Variants in CADM2 observed in about 807,000 individuals in gnomAD.
CADM2 encodes immunoglobulin superfamily member 4D.
In CADM2, 12 loss-of-function variants were observed where a neutral mutation model predicts 49.8. The observed-to-expected ratio is 0.24, with a 90% CI of 0.15 to 0.39. The LOEUF is 0.39. CADM2 is among the 10% of genes least tolerant of loss of function. CADM2 has a pLI of 1.00. For synonymous variants in CADM2, 214 were observed against 175.4 expected (o/e 1.22, Z -1.74); for missense variants, 378 against 492.3 (o/e 0.77, Z 2.20).
chr3:85,768,728 T>A (rs1157714681), intron 2 of CADM2, among the ~76,000 whole-genome samples: 1 of 133,510 alleles, frequency 7.5e-6, no homozygotes, highest in East Asian at 2.0e-4. Context: ...ATATAGTATA[T>A]ATACACATAT....
At chr3:85,923,547 A>AAAAC (rs1553707944) in intron 6 of CADM2, among the ~76,000 whole-genome samples, 1 of 151,544 alleles carries the variant, frequency 6.6e-6, no homozygotes, top group Non-Finnish European at 1.5e-5. Context: ...CAAAAAAAAA[A>AAAAC]AACAACAAAA....
chr3:85,137,782 G>A (rs931791176), intron 1 of CADM2, among the ~76,000 whole-genome samples: 1 of 151,992 alleles, frequency 6.6e-6, no homozygotes, highest in Non-Finnish European at 1.5e-5. Flanking sequence ...AGACCTGTAA[G>A]CATTTGATAT....
At chr3:85,109,119 G>A (rs1050965010) in intron 1 of CADM2, among the ~76,000 whole-genome samples, 26 of 151,992 alleles carry the variant, frequency 1.7e-4, no homozygotes, top group Admixed American at 1.6e-3. Context: ...AGGAAGATGT[G>A]GGAGGAGGGG....
chr3:85,097,833 T>C (rs2037860208), intron 1 of CADM2, among the ~76,000 whole-genome samples: 1 of 152,206 alleles, frequency 6.6e-6, no homozygotes, highest in Admixed American at 6.5e-5. Context: ...GTTGACTTTT[T>C]CCTTATCATT....
intron 1 of CADM2, among the ~76,000 whole-genome samples, chr3:85,463,123 T>A (rs2038324835): frequency 6.6e-6 from 1 of 152,212 alleles, no homozygotes; most frequent in Admixed American, 6.5e-5. Flanking sequence ...ATTTTGTATT[T>A]TCAAATACTG....
chr3:85,390,888 C>T (rs1243934140), intron 1 of CADM2, among the ~76,000 whole-genome samples: 1 of 152,014 alleles, frequency 6.6e-6, no homozygotes, highest in Non-Finnish European at 1.5e-5. Flanking sequence ...ACCTCAAGTT[C>T]AGTGTTGCTA....
chr3:85,764,433 A>G (rs1320272006), intron 2 of CADM2, among the ~76,000 whole-genome samples: 1 of 152,126 alleles, frequency 6.6e-6, no homozygotes, highest in Non-Finnish European at 1.5e-5. Flanking sequence ...CTGTATAAGA[A>G]ACAAATGCAT....
At chr3:85,970,975 T>C (rs1038495070) in intron 8 of CADM2, among the ~76,000 whole-genome samples, 1 of 151,548 alleles carries the variant, frequency 6.6e-6, no homozygotes, top group African/African-American at 2.4e-5. Flanking sequence ...AAAAAAGTCA[T>C]GCAAGAAATC....
intron 1 of CADM2, among the ~76,000 whole-genome samples, chr3:85,455,148 A>T (rs1208881514): frequency 1.3e-5 from 2 of 152,220 alleles, no homozygotes; most frequent in Admixed American, 6.5e-5. Context: ...GTTCAAGAGG[A>T]TAATCTACCT....
intron 1 of CADM2, among the ~76,000 whole-genome samples, chr3:84,994,252 A>C (rs1227260807): frequency 6.6e-6 from 1 of 152,204 alleles, no homozygotes; most frequent in Non-Finnish European, 1.5e-5. Context: ...TTATAAATAC[A>C]TCCTAATAAA....
In CADM2 at chr3:85,648,890, AT is replaced by A. The variant is rs2064965484; in HGVS notation, c.62-77630del. ...TTTATATTTTTACTCATAAATTCAGATTCATCAAAATACTTCTCCTTTTTTT... is the reference window on the plus strand; with the variant it reads ...TTTATATTTTTACTCATAAATTCAGATCATCAAAATACTTCTCCTTTTTTT... On this transcript the variant is annotated intron_variant, in intron 1 of 9. Transcript: ENST00000383699. Among the ~76,000 whole-genome samples the A allele has an allele frequency of 2.0e-5, 3 of 152,076 alleles. No homozygotes were observed. The South Asian group carries it at 6.2e-4, about 31-fold the overall frequency.
intron 1 of CADM2, among the ~76,000 whole-genome samples, chr3:85,473,426 C>A (rs976877829): frequency 1.3e-5 from 2 of 151,954 alleles, no homozygotes; most frequent in African/African-American, 4.8e-5. Context: ...CATCACTGCA[C>A]CAGTCTTTTA....
At chr3:85,149,290 C>A (rs934466153) in intron 1 of CADM2, among the ~76,000 whole-genome samples, 1 of 152,020 alleles carries the variant, frequency 6.6e-6, no homozygotes, top group African/African-American at 2.4e-5. Context: ...GCAAGAAGGA[C>A]CTTGTCAGAT....
At chr3:85,477,243 A>AACACACACACACACACAC (rs139955724) in intron 1 of CADM2, among the ~76,000 whole-genome samples, 8 of 144,852 alleles carry the variant, frequency 5.5e-5, no homozygotes, top group South Asian at 2.2e-4. Context: ...GATTCCCTTA[A>AACACACACACACACACAC]ACACACACAC....
intron 1 of CADM2, among the ~76,000 whole-genome samples, chr3:85,654,024 C>A (rs957808568): frequency 6.6e-6 from 1 of 152,228 alleles, no homozygotes; most frequent in Non-Finnish European, 1.5e-5. Flanking sequence ...CTGAAAGCCA[C>A]TGATGGCCTT....
chr3:85,248,635 C>T (rs1381281911), intron 1 of CADM2, among the ~76,000 whole-genome samples: 4 of 152,066 alleles, frequency 2.6e-5, no homozygotes, highest in Non-Finnish European at 5.9e-5. Flanking sequence ...TCATTAATTG[C>T]CTTCTATGAG....
intron 8 of CADM2, among the ~76,000 whole-genome samples, chr3:85,967,343 T>C (rs1725604948): frequency 6.6e-6 from 1 of 151,730 alleles, no homozygotes. Context: ...AATCCATCTA[T>C]CATATTTTTC....
rs1721578009 is a variant in CADM2 at position 85,939,469 on chromosome 3, AC to A, written c.791+3613del. On this transcript the variant is annotated intron_variant, in intron 7 of 9. Transcript: ENST00000383699. ...TTCTCCATTTTAAAAGTAAACGAAA[AC>A]ACACACACACACACACACACACACA... Among the ~76,000 whole-genome samples, 4 of 16,706 alleles carry A rather than the reference AC, an allele frequency of 2.4e-4. No individual in the cohort carries two copies. In the African/African-American group the frequency reaches 5.4e-3, roughly 23 times the overall value. 11.0% of individuals were successfully genotyped at this position (16,706 alleles called of 152,430 possible).
intron 1 of CADM2, among the ~76,000 whole-genome samples, chr3:85,118,615 C>A (rs1444971691): frequency 6.6e-6 from 1 of 152,196 alleles, no homozygotes; most frequent in East Asian, 1.9e-4. Context: ...CCACTGGGTG[C>A]TTCCCACAAC....
Sources: gnomAD v4.1 joint callset for allele counts (sites outside exome capture counted in the v4.1 genomes callset) on GRCh38, gnomAD v4.1.1 for gene constraint, MANE v1.5 for transcripts, NCBI Gene and HGNC (gene_info 2026-07-23, HGNC 2026-07-21) for gene names.